The following STK32C variants were observed in gnomAD, a reference collection of about 807,000 sequenced individuals.
The protein encoded by STK32C is serine/threonine-protein kinase 32C.
A neutral mutation model predicts 56.5 loss-of-function variants in STK32C; 31 were observed. That is an observed-to-expected ratio of 0.55 (90% confidence interval 0.41 to 0.74). STK32C has a LOEUF of 0.74. STK32C is among the 30% of genes least tolerant of loss of function. The probability of loss-of-function intolerance (pLI) is 0.00; values close to 1 mark genes in which losing one functional copy is unlikely to be tolerated. For synonymous variants in STK32C, 309 were observed against 289.4 expected (o/e 1.07, Z -0.69); for missense variants, 544 against 676.9 (o/e 0.80, Z 2.18).
intron 2 of STK32C, among the ~76,000 whole-genome samples, chr10:132,233,322 C>T (rs967343765): frequency 6.6e-6 from 1 of 152,194 alleles, no homozygotes; most frequent in African/African-American, 2.4e-5. Flanking sequence ...TCACTCTCCT[C>T]CTGCCCCTCC....
intron 2 of STK32C, among the ~76,000 whole-genome samples, chr10:132,238,196 T>C (rs922413299): frequency 1.1e-4 from 17 of 151,930 alleles, no homozygotes; most frequent in Non-Finnish European, 8.8e-5. Flanking sequence ...AGGACTGTGG[T>C]GCAGCAGCTG....
rs1262839534 is a variant in STK32C, at chr10:132,207,706, G to C, written c.*304C>G. The C allele has an allele frequency of 6.9e-6, 2 of 288,420 alleles. No individual in the cohort carries two copies. The highest frequency in any genetic ancestry group is 1.1e-4 in the East Asian group (2 of 17,676). The allele number at this position is 288,420 out of a possible 1,614,324, so 17.9% of individuals were successfully genotyped here. On this transcript the variant is annotated 3_prime_UTR_variant, in exon 12 of 12. Transcript: ENST00000298630. ...AGCCTCCGGGCTGAGCAGGGACAAA[G>C]ACTCCTGTCCCATCCATGGCCCCAG...
rs141816027 is a variant in STK32C at position 132,255,554 on chromosome 10, G to A, written c.263-9599C>T. Among the ~76,000 whole-genome samples, 404 of 152,314 alleles carry A rather than the reference G, an allele frequency of 2.7e-3. 2 individuals are homozygous for A. Among genetic ancestry groups the A allele is most frequent in the African/African-American group, 8.9e-3 (369 of 41,566 alleles). ...GCTGGGCAGGGGTGAGGAGGCTCCC[G>A]AGTTACAGCGGAGAACATAGAGCAG... On this transcript the variant is annotated intron_variant, in intron 1 of 11. Transcript: ENST00000298630. This position sits in a 1 kb window ranked among gnomAD's most constrained non-coding sequence, Gnocchi z 4.6.
intron 2 of STK32C, among the ~76,000 whole-genome samples, chr10:132,239,712 G>GGA (rs1565096884): frequency 2.0e-5 from 3 of 152,238 alleles, no homozygotes. Context: ...AGACGCTGCT[G>GGA]GACATCGTCA....
At chr10:132,325,501 C>T (rs767731751) in intron 1 of STK32C, among the ~76,000 whole-genome samples, 27 of 150,590 alleles carry the variant, frequency 1.8e-4, no homozygotes, top group Non-Finnish European at 2.7e-4. Context: ...TCCAGTGAGC[C>T]GAGATCGCAC....
chr10:132,220,356 A>C (rs1343374822), intron 10 of STK32C, among the ~76,000 whole-genome samples: 1 of 152,236 alleles, frequency 6.6e-6, no homozygotes, highest in Non-Finnish European at 1.5e-5. Context: ...CAGAGGGGGC[A>C]CGGCTTTGCT....
At chr10:132,297,877 C>T (rs2065802570) in intron 1 of STK32C, among the ~76,000 whole-genome samples, 3 of 152,228 alleles carry the variant, frequency 2.0e-5, no homozygotes, top group African/African-American at 7.2e-5. Context: ...ACTCCAACTT[C>T]CTGTTTGTTT....
chr10:132,234,847 T>C (rs973748902), intron 2 of STK32C, among the ~76,000 whole-genome samples: 8 of 152,206 alleles, frequency 5.3e-5, no homozygotes, highest in East Asian at 1.9e-4. Flanking sequence ...ACAGCAGCCA[T>C]TGGACACTTG....
chr10:132,226,758 C>A lies in STK32C; in HGVS notation c.644+37G>T, dbSNP rs549251449. 3 of 1,601,212 alleles carry A rather than the reference C, an allele frequency of 1.9e-6. No homozygotes were observed. In the South Asian group the frequency reaches 3.3e-5, roughly 18 times the overall value. On this transcript the variant is annotated intron_variant, in intron 4 of 11. Coordinates refer to ENST00000298630, the MANE Select transcript of STK32C (RefSeq NM_173575.4). Reference sequence around the variant, plus strand: ...CCTAAGGCTGCTTCAGCCCCGCCCACCTCAGCAGGTACCTGCGCCGTCTGC... The same window carrying A: ...CCTAAGGCTGCTTCAGCCCCGCCCAACTCAGCAGGTACCTGCGCCGTCTGC...
chr10:132,331,875 A>C, upstream of STK32C: 1 of 1,237,798 alleles, frequency 8.1e-7, no homozygotes, highest in Non-Finnish European at 1.1e-6. Flanking sequence ...GTGCGTGCGC[A>C]GGCGCACCAC....
intron 1 of STK32C, among the ~76,000 whole-genome samples, chr10:132,290,496 T>C (rs1373984195): frequency 6.6e-6 from 1 of 152,236 alleles, no homozygotes; most frequent in Non-Finnish European, 1.5e-5. Context: ...CATGTGTGTA[T>C]GCATGCACGC....
chr10:132,317,252 G>T (rs554494396), intron 1 of STK32C, among the ~76,000 whole-genome samples: 1 of 152,246 alleles, frequency 6.6e-6, no homozygotes, highest in East Asian at 1.9e-4. Context: ...CTGAATCAGA[G>T]GCCTAAATGT....
intron 1 of STK32C, among the ~76,000 whole-genome samples, chr10:132,264,927 A>G (rs1450354522): frequency 6.6e-6 from 1 of 152,260 alleles, no homozygotes; most frequent in East Asian, 1.9e-4. Flanking sequence ...TTAAATTCAC[A>G]AAAGTTCAAG....
intron 2 of STK32C, among the ~76,000 whole-genome samples, chr10:132,234,662 C>T (rs1221113681): frequency 6.6e-6 from 1 of 152,176 alleles, no homozygotes; most frequent in Non-Finnish European, 1.5e-5. Context: ...GGTGGGATGC[C>T]GGGGCAGGTG....
At chr10:132,246,972 C>T (rs1011994206) in intron 1 of STK32C, among the ~76,000 whole-genome samples, 6 of 152,128 alleles carry the variant, frequency 3.9e-5, no homozygotes, top group East Asian at 1.9e-4. Flanking sequence ...TTAGGACACC[C>T]GCTGGTTCAT....
intron 1 of STK32C, among the ~76,000 whole-genome samples, chr10:132,262,852 C>G (rs1450788749): frequency 1.3e-5 from 2 of 151,796 alleles, no homozygotes; most frequent in African/African-American, 4.8e-5. Context: ...TGCCCCACAT[C>G]ACTAATCATC....
At position 132,249,909 on chromosome 10, in the gene STK32C, C is replaced by T. The variant is rs547506214; in HGVS notation, c.263-3954G>A. Among the ~76,000 whole-genome samples the T allele has an allele frequency of 6.6e-5, 10 of 152,352 alleles. No individual in the cohort carries two copies. In the South Asian group the frequency reaches 1.7e-3, roughly 25 times the overall value. ...CCCAGGCTCAGCCCCATTCCTGGCT[C>T]CCAAAGGAGAGGTGAGCTCTCATTC... On this transcript the variant is annotated intron_variant, in intron 1 of 11. Coordinates refer to ENST00000298630, the MANE Select transcript of STK32C (RefSeq NM_173575.4).
At chr10:132,258,606 A>T (rs1162915782) in intron 1 of STK32C, among the ~76,000 whole-genome samples, 1 of 152,178 alleles carries the variant, frequency 6.6e-6, no homozygotes, top group Non-Finnish European at 1.5e-5. Flanking sequence ...CTCCCAGCCC[A>T]CCGAACAGGA....
chr10:132,209,127 C>A (rs770874668), intron 10 of STK32C, 26 bp from the exon 11 acceptor site: 2 of 1,606,288 alleles, frequency 1.2e-6, no homozygotes, highest in African/African-American at 1.3e-5. Flanking sequence ...CACACGTGAG[C>A]GTGGGGGACG....
Sources: allele counts gnomAD v4.1 joint callset (sites outside exome capture counted in the v4.1 genomes callset), GRCh38; gene constraint gnomAD v4.1.1; non-coding constraint Gnocchi (gnomAD v3.1); transcripts MANE v1.5; gene names NCBI Gene and HGNC (gene_info 2026-07-23, HGNC 2026-07-21).